Variants in MSANTD5 observed in about 807,000 individuals in gnomAD.
The protein encoded by MSANTD5 is Myb/SANT DNA binding domain containing 5.
downstream of MSANTD5, among the ~76,000 whole-genome samples, chr5:178,693,770 C>T (rs1765381198): frequency 6.6e-6 from 1 of 151,902 alleles, no homozygotes. Context: ...GGTGCATTTA[C>T]AATCCTCTAG....
upstream of MSANTD5, among the ~76,000 whole-genome samples, chr5:178,698,992 C>T (rs1182723938): frequency 2.0e-5 from 3 of 152,070 alleles, no homozygotes; most frequent in African/African-American, 4.8e-5. Flanking sequence ...TTTCCACAGA[C>T]AGATTTCAGG....
At chr5:178,692,789 C>T (rs551173314), downstream of MSANTD5, among the ~76,000 whole-genome samples, 3 of 151,840 alleles carry the variant, frequency 2.0e-5, no homozygotes, top group South Asian at 2.1e-4. Context: ...GGGCTGAGGG[C>T]GGGAGGGACG....
At chr5:178,692,175 T>C (rs761556417), downstream of MSANTD5, among the ~76,000 whole-genome samples, 9 of 130,222 alleles carry the variant, frequency 6.9e-5, 1 homozygote, top group Non-Finnish European at 1.0e-4. Context: ...AGCTCAAGAG[T>C]TCGAGACAAG....
chr5:178,701,387 C>T (rs1765481869), upstream of MSANTD5, among the ~76,000 whole-genome samples: 1 of 151,930 alleles, frequency 6.6e-6, no homozygotes, highest in Non-Finnish European at 1.5e-5. Context: ...TTTTTGGAAA[C>T]TAGTAGGGCA....
the MSANTD5 span, among the ~76,000 whole-genome samples, chr5:178,705,790 T>A: frequency 6.6e-6 from 1 of 152,014 alleles, no homozygotes; most frequent in Admixed American, 6.6e-5. Context: ...ACCCCATCTC[T>A]ACTAAAAATA....
At chr5:178,707,447 G>A in the MSANTD5 span, among the ~76,000 whole-genome samples, 9 of 151,184 alleles carry the variant, frequency 6.0e-5, no homozygotes, top group South Asian at 4.2e-4. Flanking sequence ...GGCGGGGCGC[G>A]GTGGCTCACT....
At chr5:178,704,937 CA>C in the MSANTD5 span, among the ~76,000 whole-genome samples, 1 of 152,206 alleles carries the variant, frequency 6.6e-6, no homozygotes, top group African/African-American at 2.4e-5. Flanking sequence ...AGGCAGTGAC[CA>C]TCGCTGTGCC....
At chr5:178,692,318 T>C (rs1250152868), downstream of MSANTD5, among the ~76,000 whole-genome samples, 1 of 149,566 alleles carries the variant, frequency 6.7e-6, no homozygotes, top group Non-Finnish European at 1.5e-5. Flanking sequence ...GGACAGAGGT[T>C]GCAGTGAGCT....
At chr5:178,705,196 C>T in the MSANTD5 span, among the ~76,000 whole-genome samples, 308 of 152,168 alleles carry the variant, frequency 2.0e-3, 1 homozygote, top group African/African-American at 7.0e-3. Context: ...TACAGGCATG[C>T]GCAAGCAATC....
At chr5:178,705,197 G>A in the MSANTD5 span, among the ~76,000 whole-genome samples, 1,114 of 152,148 alleles carry the variant, frequency 7.3e-3, 35 homozygotes, top group East Asian at 0.057. Flanking sequence ...ACAGGCATGC[G>A]CAAGCAATCC....
the MSANTD5 span, among the ~76,000 whole-genome samples, chr5:178,706,415 C>T: frequency 6.6e-6 from 1 of 152,104 alleles, no homozygotes. Flanking sequence ...AGCGCTGTTG[C>T]ACTGCGGCTC....
At chr5:178,695,748 G>T (rs1765405942) in intron 2 of MSANTD5, 150 bp from the exon 3 acceptor site, 1 of 152,222 alleles carries the variant, frequency 6.6e-6, no homozygotes, top group South Asian at 2.1e-4. Context: ...TTCAGCATCT[G>T]CCTGAGTCCT....
chr5:178,703,957 G>A, the MSANTD5 span, among the ~76,000 whole-genome samples: 17 of 150,766 alleles, frequency 1.1e-4, no homozygotes, highest in Admixed American at 1.1e-3. Flanking sequence ...CTCCAGCCTG[G>A]GGGACAGAGC....
the MSANTD5 span, among the ~76,000 whole-genome samples, chr5:178,705,445 T>C: frequency 6.6e-6 from 1 of 152,140 alleles, no homozygotes; most frequent in African/African-American, 2.4e-5. Flanking sequence ...GGTCCCCGTG[T>C]CTTCCCCTGC....
upstream of MSANTD5, among the ~76,000 whole-genome samples, chr5:178,699,128 T>C (rs1204782426): frequency 6.6e-6 from 1 of 152,032 alleles, no homozygotes; most frequent in African/African-American, 2.4e-5. Context: ...AAGTTATTCC[T>C]TCCTCTCCCC....
chr5:178,703,772 G>A, the MSANTD5 span, among the ~76,000 whole-genome samples: 3 of 152,170 alleles, frequency 2.0e-5, no homozygotes. Flanking sequence ...CATGAGGTCA[G>A]GAGATCGAGA....
upstream of MSANTD5, among the ~76,000 whole-genome samples, chr5:178,698,368 G>A (rs1765441868): frequency 6.6e-6 from 1 of 152,108 alleles, no homozygotes; most frequent in South Asian, 2.1e-4. Flanking sequence ...TGTGCTGAGT[G>A]CCCAGCATGT....
chr5:178,702,553 C>T (rs112012848), upstream of MSANTD5, among the ~76,000 whole-genome samples: 1,358 of 151,462 alleles, frequency 9.0e-3, 11 homozygotes, highest in African/African-American at 0.03. Flanking sequence ...CCTGCCTCGC[C>T]CTCCCAAAGG....
the MSANTD5 span, among the ~76,000 whole-genome samples, chr5:178,705,950 CTG>C: frequency 4.6e-5 from 7 of 152,274 alleles, no homozygotes; most frequent in South Asian, 1.5e-3. Context: ...GAGTGAGACT[CTG>C]TCTCAAAACA....
Sources: gnomAD v4.1 joint callset for allele counts (sites outside exome capture counted in the v4.1 genomes callset) on GRCh38, gnomAD v4.1.1 for gene constraint, MANE v1.5 for transcripts, NCBI Gene and HGNC (gene_info 2026-07-23, HGNC 2026-07-21) for gene names.